NSD1: variants seen among roughly 807,000 people sequenced by gnomAD.
NSD1 encodes the protein nuclear receptor binding SET domain protein 1.
A neutral mutation model predicts 242.7 loss-of-function variants in NSD1; 26 were observed. The ratio of observed to expected loss-of-function variants is 0.11; its 90% CI spans 0.08 to 0.15. The LOEUF is 0.15. Ranked by LOEUF, NSD1 falls within the 10% of genes least tolerant of loss-of-function variation. The pLI is 1.00. For synonymous variants in NSD1, 1,106 were observed against 1,178.1 expected (o/e 0.94, Z 1.25); for missense variants, 2,495 against 3,272.8 (o/e 0.76, Z 5.80).
chr5:177,180,932 C>T (rs899318788), intron 2 of NSD1, among the ~76,000 whole-genome samples: 17 of 151,992 alleles, frequency 1.1e-4, no homozygotes, highest in African/African-American at 2.4e-4. Flanking sequence ...CCACCCGCCT[C>T]GGCCTCCCAA....
intron 2 of NSD1, among the ~76,000 whole-genome samples, chr5:177,150,128 T>TTTTA (rs1033068080): frequency 6.6e-6 from 1 of 151,552 alleles, no homozygotes; most frequent in African/African-American, 2.4e-5. Context: ...ATTTTTTAAT[T>TTTTA]TTTATTTATT....
At chr5:177,270,041 GT>G (rs1485414999) in intron 16 of NSD1, among the ~76,000 whole-genome samples, 1 of 152,076 alleles carries the variant, frequency 6.6e-6, no homozygotes, top group Non-Finnish European at 1.5e-5. Flanking sequence ...CTTATCAGTT[GT>G]TTTGTCAGCA....
chr5:177,264,028 A>ATTGTTTTTT (rs1757204760), intron 14 of NSD1, among the ~76,000 whole-genome samples: 1 of 76,394 alleles, frequency 1.3e-5, no homozygotes, highest in Non-Finnish European at 2.5e-5. Context: ...CAATGAACCA[A>ATTGTTTTTT]TTTTTTTTTT....
At chr5:177,164,149 C>CT (rs56076836) in intron 2 of NSD1, among the ~76,000 whole-genome samples, 115,980 of 138,358 alleles carry the variant, frequency 0.84, 48,879 homozygotes, top group East Asian at 0.92. Flanking sequence ...AAAATGTAAC[C>CT]TTTTTTTTTT....
In NSD1 at chr5:177,208,768, A is replaced by G. The variant is rs371971327; in HGVS notation, c.1237-868A>G. On this transcript the variant is annotated intron_variant, in intron 4 of 22. Transcript: ENST00000439151. ...GCTCTGTCCCCCATGCTGGAGTGCA[A>G]TGGCGTGATCTCCAACTCCCGGGTG... Among the ~76,000 whole-genome samples the G allele has an allele frequency of 1.8e-4, 27 of 151,626 alleles. No homozygotes were observed. In the East Asian group the frequency reaches 3.1e-3, roughly 17 times the overall value.
At chr5:177,287,965 C>T (rs1581545570) in intron 20 of NSD1, among the ~76,000 whole-genome samples, 2 of 152,348 alleles carry the variant, frequency 1.3e-5, no homozygotes, top group African/African-American at 2.4e-5. Context: ...AAAGGGAAAT[C>T]TTCCTAAGAA....
chr5:177,239,801 T>G lies in NSD1; in HGVS notation c.4238T>G (p.Leu1413Arg), dbSNP rs767709587. The G allele has an allele frequency of 4.3e-6, 7 of 1,613,366 alleles. No individual in the cohort carries two copies. In the South Asian group the frequency reaches 7.7e-5, roughly 18 times the overall value. The change falls in exon 8 of 23, where the codon CTT becomes CGT. Residue 1413 changes from leucine to arginine, a missense_variant. Transcript: ENST00000439151. Reference sequence around the variant, plus strand: ...CAAAGAAAACCAACTAAGAAACTTCTTGAATCCAATGATTTAGACCCTGGA... The same window carrying G: ...CAAAGAAAACCAACTAAGAAACTTCGTGAATCCAATGATTTAGACCCTGGA... ...KRQRKPTKKL[L>R]ESNDLDPGFM...
At chr5:177,163,588 T>A (rs1376533911) in intron 2 of NSD1, among the ~76,000 whole-genome samples, 1 of 152,104 alleles carries the variant, frequency 6.6e-6, no homozygotes, top group Non-Finnish European at 1.5e-5. Flanking sequence ...ATCTATAAGG[T>A]GTTTTGAAAA....
chr5:177,167,825 C>T (rs73345888), intron 2 of NSD1, among the ~76,000 whole-genome samples: 1 of 152,278 alleles, frequency 6.6e-6, no homozygotes, highest in African/African-American at 2.4e-5. Flanking sequence ...ATATTTTCGA[C>T]TTATGATGGG....
At chr5:177,234,776 A>C (rs1403715235) in intron 5 of NSD1, among the ~76,000 whole-genome samples, 1 of 151,656 alleles carries the variant, frequency 6.6e-6, no homozygotes, top group Non-Finnish European at 1.5e-5. Flanking sequence ...TTAATGAGAC[A>C]GATGACTTTA....
chr5:177,173,916 T>C (rs1365790814), intron 2 of NSD1, among the ~76,000 whole-genome samples: 1 of 152,242 alleles, frequency 6.6e-6, no homozygotes, highest in Admixed American at 6.5e-5. Flanking sequence ...ACATTTAATA[T>C]GTTAACTTTT....
At chr5:177,242,780 C>T (rs974768861) in intron 8 of NSD1, among the ~76,000 whole-genome samples, 9 of 152,262 alleles carry the variant, frequency 5.9e-5, no homozygotes, top group African/African-American at 1.9e-4. Flanking sequence ...CCGCCTGCCT[C>T]GGCCCCCCAA....
chr5:177,182,667 C>T (rs943123508), intron 2 of NSD1, among the ~76,000 whole-genome samples: 4 of 151,528 alleles, frequency 2.6e-5, no homozygotes, highest in Admixed American at 6.6e-5. Flanking sequence ...AATGGGATCT[C>T]GCTCTGTCAC....
Position 177,248,163 on chromosome 5 carries a change from T to C in NSD1, c.4498-18T>C. ...ACATCAATAATACAGATGTGGGACA[T>C]TATTTTTTCTTTGCAAGGGAGAACT... On this transcript the variant is annotated intron_variant, in intron 10 of 22. Coordinates refer to ENST00000439151, the MANE Select transcript of NSD1 (RefSeq NM_022455.5). The C allele has an allele frequency of 6.2e-6, 10 of 1,613,616 alleles. No homozygotes were observed. The highest frequency in any genetic ancestry group is 7.6e-6 in the Non-Finnish European group (9 of 1,179,842).
chr5:177,190,818 C>A (rs1190249827), intron 2 of NSD1, among the ~76,000 whole-genome samples: 1 of 149,180 alleles, frequency 6.7e-6, no homozygotes, highest in Non-Finnish European at 1.5e-5. Context: ...TACAGGCGCC[C>A]GCCACCATGC....
chr5:177,181,495 A>G (rs1485347739), intron 2 of NSD1, among the ~76,000 whole-genome samples: 1 of 130,504 alleles, frequency 7.7e-6, no homozygotes, highest in Non-Finnish European at 1.5e-5. Context: ...GCACAATCTC[A>G]TCTCACTGCA....
intron 3 of NSD1, among the ~76,000 whole-genome samples, chr5:177,199,490 CAA>C (rs1562190948): frequency 1.3e-5 from 2 of 152,214 alleles, no homozygotes; most frequent in African/African-American, 4.8e-5. Flanking sequence ...CTACTGGGCT[CAA>C]ACAGTCTTCT....
chr5:177,164,440 A>G (rs551788550), intron 2 of NSD1, among the ~76,000 whole-genome samples: 16 of 151,974 alleles, frequency 1.1e-4, no homozygotes, highest in Non-Finnish European at 1.9e-4. Flanking sequence ...CACAGGTGTG[A>G]GCCACTGCGC....
intron 2 of NSD1, chr5:177,136,775 T>G: frequency 1.8e-6 from 1 of 569,252 alleles, no homozygotes; most frequent in Non-Finnish European, 3.2e-6. Flanking sequence ...TGTATCACCA[T>G]TAGCTCTTGA....
Sources: gnomAD v4.1 joint callset for allele counts (sites outside exome capture counted in the v4.1 genomes callset) on GRCh38, gnomAD v4.1.1 for gene constraint, MANE v1.5 for transcripts, NCBI Gene and HGNC (gene_info 2026-07-23, HGNC 2026-07-21) for gene names.